Variants in MATN2 observed in about 807,000 individuals in gnomAD.
MATN2 encodes the protein matrilin 2, also known as matrilin-2.
MATN2 carries 69 observed loss-of-function variants against 103.2 expected under a neutral mutation model. The observed-to-expected ratio is 0.67, with a 90% confidence interval of 0.55 to 0.82. The LOEUF (loss-of-function observed/expected upper bound fraction) is 0.82, where lower values mean the gene tolerates loss of function less well. MATN2 is among the 40% of genes least tolerant of loss of function. MATN2 has a pLI of 0.00. For synonymous variants in MATN2, 429 were observed against 450.2 expected (o/e 0.95, Z 0.60); for missense variants, 1,023 against 1,211.5 (o/e 0.84, Z 2.31).
intron 6 of MATN2, among the ~76,000 whole-genome samples, chr8:97,984,841 G>C (rs1812141856): frequency 6.6e-6 from 1 of 152,144 alleles, no homozygotes; most frequent in Admixed American, 6.5e-5. Context: ...TGTCCTTATG[G>C]AGCCTACATT....
rs58985201 is a variant in MATN2, at chr8:97,992,745, C to CAAAAA, written c.1082-1714_1082-1710dup. On this transcript the variant is annotated intron_variant, in intron 6 of 18. Coordinates refer to ENST00000254898, the MANE Select transcript of MATN2 (RefSeq NM_002380.5). Reference sequence around the variant, plus strand: ...TGGGTGTTAGAGTGAGACTCCATCTCAAAAAAAAAAAAAAAAAAAAAAAAA... The same window carrying CAAAAA: ...TGGGTGTTAGAGTGAGACTCCATCTCAAAAAAAAAAAAAAAAAAAAAAAAAAAAAA... 3.6e-4 allele frequency among the ~76,000 whole-genome samples: 18 copies of CAAAAA among 49,570 alleles called. 2 individuals carry two copies. Among genetic ancestry groups the CAAAAA allele is most frequent in the African/African-American group, 1.5e-3 (16 of 11,020 alleles). 32.5% of individuals were successfully genotyped at this position (49,570 alleles called of 152,430 possible).
At chr8:98,002,071 C>T (rs922094610) in intron 7 of MATN2, among the ~76,000 whole-genome samples, 9 of 152,182 alleles carry the variant, frequency 5.9e-5, no homozygotes, top group African/African-American at 4.8e-5. Flanking sequence ...TCCCGCAACA[C>T]CAGTCTCATA....
chr8:98,010,668 C>G (rs1404908517), intron 10 of MATN2, among the ~76,000 whole-genome samples: 5 of 152,174 alleles, frequency 3.3e-5, no homozygotes, highest in Non-Finnish European at 7.4e-5. Context: ...GCCAGGCCTG[C>G]TCTCCTTGGA....
At chr8:98,022,606 G>A (rs1187365936) in intron 13 of MATN2, among the ~76,000 whole-genome samples, 27 of 152,040 alleles carry the variant, frequency 1.8e-4, no homozygotes, top group Admixed American at 1.8e-3. Flanking sequence ...TGATTTGTAT[G>A]ATACCCCCAC....
chr8:97,949,835 T>C (rs988438477), intron 4 of MATN2, among the ~76,000 whole-genome samples: 1 of 152,186 alleles, frequency 6.6e-6, no homozygotes, highest in Non-Finnish European at 1.5e-5. Flanking sequence ...AAGAATGCAC[T>C]ATTGAAACAT....
At chr8:97,934,228 AGTT>A (rs1810300387) in intron 3 of MATN2, among the ~76,000 whole-genome samples, 1 of 152,220 alleles carries the variant, frequency 6.6e-6, no homozygotes, top group African/African-American at 2.4e-5. Context: ...AGCTGACTCT[AGTT>A]GTACAATCTT....
At chr8:97,980,672 C>A (rs1811991263) in intron 6 of MATN2, among the ~76,000 whole-genome samples, 2 of 148,842 alleles carry the variant, frequency 1.3e-5, no homozygotes, top group African/African-American at 5.0e-5. Context: ...TCAAGCGATT[C>A]CCCCACCTCA....
chr8:97,948,178 G>A (rs147840561), intron 4 of MATN2, among the ~76,000 whole-genome samples: 3 of 152,238 alleles, frequency 2.0e-5, no homozygotes, highest in African/African-American at 7.2e-5. Flanking sequence ...CTTGTTCATG[G>A]GATGAGAGCT....
At chr8:97,958,872 G>A (rs1344657609) in intron 4 of MATN2, among the ~76,000 whole-genome samples, 3 of 152,142 alleles carry the variant, frequency 2.0e-5, no homozygotes, top group African/African-American at 7.2e-5. Flanking sequence ...TGCCTCTGGT[G>A]TCAATGGTCT....
intron 6 of MATN2, among the ~76,000 whole-genome samples, chr8:97,980,430 G>A (rs771237191): frequency 3.9e-4 from 60 of 152,148 alleles, no homozygotes; most frequent in Non-Finnish European, 4.3e-4. Flanking sequence ...TGCCAGCAGC[G>A]GGCCTTGGTT....
At chr8:97,930,438 A>G (rs1261879127) in intron 2 of MATN2, 1 of 152,968 alleles carries the variant, frequency 6.5e-6, no homozygotes, top group Non-Finnish European at 1.5e-5. Flanking sequence ...TTATCTTGCA[A>G]AAAGGATTGC....
chr8:97,902,936 T>G (rs1331135910), intron 2 of MATN2, among the ~76,000 whole-genome samples: 1 of 152,198 alleles, frequency 6.6e-6, no homozygotes, highest in South Asian at 2.1e-4. Flanking sequence ...GTGCAGATGC[T>G]GGGTTTGGGG....
In MATN2 at chr8:97,945,735, T is replaced by TAA. The variant is rs1554605742; in HGVS notation, c.835+3837_835+3838dup. ...AAAAAAAAATATATATATATATATA[T>TAA]AATCTCCCCACCATTGTATATTTGT... On this transcript the variant is annotated intron_variant, in intron 4 of 18. Coordinates refer to ENST00000254898, the MANE Select transcript of MATN2 (RefSeq NM_002380.5). Among the ~76,000 whole-genome samples the TAA allele has an allele frequency of 3.4e-3, 502 of 147,096 alleles. 6 individuals are homozygous for TAA. Among genetic ancestry groups the TAA allele is most frequent in the African/African-American group, 0.012 (474 of 39,942 alleles).
intron 15 of MATN2, 94 bp downstream of exon 15, chr8:98,030,708 G>C: frequency 8.0e-7 from 1 of 1,257,778 alleles, no homozygotes; most frequent in Non-Finnish European, 1.1e-6. Flanking sequence ...TGTCATCCAG[G>C]CTGGAGTGCA....
intron 4 of MATN2, among the ~76,000 whole-genome samples, chr8:97,955,825 G>T (rs894830961): frequency 6.6e-6 from 1 of 152,192 alleles, no homozygotes; most frequent in Non-Finnish European, 1.5e-5. Flanking sequence ...TACTTGTTGA[G>T]CAAGGACAAA....
intron 6 of MATN2, among the ~76,000 whole-genome samples, chr8:97,988,171 A>ATAT (rs1554611753): frequency 1.5e-4 from 7 of 46,106 alleles, no homozygotes; most frequent in South Asian, 4.9e-4. Context: ...AAAAAAAAAA[A>ATAT]ATATATATAT....
At chr8:98,033,019 T>G in intron 16 of MATN2, 23 bp from the exon 17 acceptor site, 1 of 1,594,638 alleles carries the variant, frequency 6.3e-7, no homozygotes, top group Non-Finnish European at 8.5e-7. Flanking sequence ...CAGGTTTGAT[T>G]GCAGTTTTCT....
intron 5 of MATN2, 47 bp from the exon 6 acceptor site, chr8:97,978,839 T>G (rs375244323): frequency 5.6e-6 from 9 of 1,606,084 alleles, no homozygotes; most frequent in Non-Finnish European, 7.7e-6. Flanking sequence ...CCATTCCCTT[T>G]TCCTCTGTTT....
chr8:98,026,153 TG>T (rs1439016165), intron 13 of MATN2, among the ~76,000 whole-genome samples: 17 of 121,552 alleles, frequency 1.4e-4, no homozygotes, highest in African/African-American at 4.6e-4. Context: ...CACTTCAGCC[TG>T]GGTAACAGAG....
Sources: allele counts gnomAD v4.1 joint callset (sites outside exome capture counted in the v4.1 genomes callset), GRCh38; gene constraint gnomAD v4.1.1; transcripts MANE v1.5; gene names NCBI Gene and HGNC (gene_info 2026-07-23, HGNC 2026-07-21).